Variants in NALF1 observed in about 807,000 individuals in gnomAD.
The protein encoded by NALF1 is family with sequence similarity 155 member A.
A neutral mutation model predicts 48.4 loss-of-function variants in NALF1; 3 were observed. The ratio of observed to expected loss-of-function variants is 0.06; its 90% CI spans 0.03 to 0.16. NALF1 has a LOEUF of 0.16. Ranked by LOEUF, NALF1 falls within the 10% of genes least tolerant of loss-of-function variation. NALF1 has a pLI of 1.00. For synonymous variants in NALF1, 262 were observed against 245.7 expected, an observed-to-expected ratio of 1.07 and a Z score of -0.62; for missense variants, 526 against 571.5, an observed-to-expected ratio of 0.92 and a Z score of 0.81.
At chr13:107,784,611 A>C (rs1360245727) in intron 1 of NALF1, among the ~76,000 whole-genome samples, 3 of 152,220 alleles carry the variant, frequency 2.0e-5, no homozygotes, top group African/African-American at 4.8e-5. Flanking sequence ...CGATTCTCAA[A>C]AGAAGATACA....
intron 1 of NALF1, among the ~76,000 whole-genome samples, chr13:107,721,490 A>G (rs770220120): frequency 2.6e-5 from 4 of 152,146 alleles, no homozygotes; most frequent in African/African-American, 7.2e-5. Context: ...TTCAAGTTCT[A>G]TATGTTTCTG....
intron 1 of NALF1, among the ~76,000 whole-genome samples, chr13:107,706,953 C>G (rs558521244): frequency 5.6e-4 from 59 of 105,708 alleles, no homozygotes; most frequent in African/African-American, 2.2e-3. Flanking sequence ...GACGGAGTCT[C>G]GCTCTGTCGC....
chr13:107,269,452 T>C (rs1817222222), intron 1 of NALF1, among the ~76,000 whole-genome samples: 1 of 152,148 alleles, frequency 6.6e-6, no homozygotes, highest in Non-Finnish European at 1.5e-5. Context: ...TCAGATAGTA[T>C]GATTGATTGT....
At chr13:107,640,451 G>A (rs1880120826) in intron 1 of NALF1, among the ~76,000 whole-genome samples, 1 of 152,086 alleles carries the variant, frequency 6.6e-6, no homozygotes, top group Non-Finnish European at 1.5e-5. Flanking sequence ...ACATTTTTAA[G>A]ATACAGTAAA....
intron 1 of NALF1, among the ~76,000 whole-genome samples, chr13:107,447,652 G>A (rs978106707): frequency 6.6e-6 from 1 of 152,110 alleles, no homozygotes; most frequent in Non-Finnish European, 1.5e-5. Flanking sequence ...GGCACAGAAA[G>A]TAGAAGGAAG....
At chr13:107,452,094 C>T (rs1884750814) in intron 1 of NALF1, among the ~76,000 whole-genome samples, 2 of 87,296 alleles carry the variant, frequency 2.3e-5, no homozygotes, top group Admixed American at 1.1e-4. Flanking sequence ...AGGCTTCTTC[C>T]TCCTCTGCTC....
intron 1 of NALF1, among the ~76,000 whole-genome samples, chr13:107,326,697 T>C (rs1882371820): frequency 6.6e-6 from 1 of 152,216 alleles, no homozygotes; most frequent in African/African-American, 2.4e-5. Context: ...ATACTTTAAG[T>C]GGGCTTTAGA....
intron 1 of NALF1, among the ~76,000 whole-genome samples, chr13:107,505,057 G>T (rs1875650255): frequency 6.6e-6 from 1 of 151,866 alleles, no homozygotes; most frequent in Non-Finnish European, 1.5e-5. Context: ...AAGCAGTAAA[G>T]GCTATGGAGA....
intron 1 of NALF1, among the ~76,000 whole-genome samples, chr13:107,519,459 T>G (rs950766415): frequency 4.0e-5 from 6 of 150,442 alleles, no homozygotes; most frequent in African/African-American, 1.5e-4. Flanking sequence ...AAACCTACTG[T>G]TTTAAGAATG....
chr13:107,844,240 G>GATA lies in NALF1; in HGVS notation c.915+21439_915+21441dup, dbSNP rs374589908. On this transcript the variant is annotated intron_variant, in intron 1 of 2. Coordinates refer to ENST00000375915, the MANE Select transcript of NALF1 (RefSeq NM_001080396.3). ...TGTTTGTAGCCACAAATAAAATACA[G>GATA]ATAAGAAAATCTAAAAAAATCAAAC... Among the ~76,000 whole-genome samples the GATA allele has an allele frequency of 8.4e-3, 538 of 63,962 alleles. 2 individuals are homozygous for GATA. Among genetic ancestry groups the GATA allele is most frequent in the African/African-American group, 0.029 (510 of 17,750 alleles). 42.0% of individuals were successfully genotyped at this position (63,962 alleles called of 152,430 possible).
intron 1 of NALF1, among the ~76,000 whole-genome samples, chr13:107,345,084 TAC>T (rs748499216): frequency 7.3e-5 from 11 of 150,012 alleles, no homozygotes; most frequent in South Asian, 2.1e-4. Flanking sequence ...TAATAGCAGC[TAC>T]ACACACACAC....
intron 1 of NALF1, among the ~76,000 whole-genome samples, chr13:107,384,563 C>A (rs763639376): frequency 6.6e-6 from 1 of 151,932 alleles, no homozygotes. Flanking sequence ...AAAATAAAAT[C>A]ATATTTCTTA....
intron 1 of NALF1, among the ~76,000 whole-genome samples, chr13:107,426,441 T>C (rs1884282691): frequency 6.6e-6 from 1 of 152,182 alleles, no homozygotes; most frequent in Admixed American, 6.5e-5. Context: ...GGACAAATAT[T>C]TGAACCTTCA....
intron 1 of NALF1, among the ~76,000 whole-genome samples, chr13:107,437,815 A>C (rs1884487196): frequency 6.6e-6 from 1 of 152,210 alleles, no homozygotes; most frequent in Non-Finnish European, 1.5e-5. Context: ...GTATTAACTT[A>C]AGATTTGTGC....
intron 1 of NALF1, among the ~76,000 whole-genome samples, chr13:107,293,392 A>AT (rs1046414224): frequency 1.3e-5 from 2 of 152,050 alleles, no homozygotes; most frequent in African/African-American, 4.8e-5. Flanking sequence ...TCATTTTGGT[A>AT]TTTTTTAGAC....
chr13:107,680,947 C>CTG (rs199937780), intron 1 of NALF1, among the ~76,000 whole-genome samples: 3,685 of 64,884 alleles, frequency 0.057, 151 homozygotes, highest in African/African-American at 0.15. Context: ...ATGAGTGTAA[C>CTG]AGTGTGTGTG....
intron 1 of NALF1, among the ~76,000 whole-genome samples, chr13:107,581,848 A>G (rs1878321373): frequency 6.6e-6 from 1 of 152,156 alleles, no homozygotes; most frequent in Non-Finnish European, 1.5e-5. Context: ...ATAGTCTCCC[A>G]TTTTTGGTGA....
chr13:107,680,714 G>A lies in NALF1; in HGVS notation c.915+184968C>T, dbSNP rs539569927. Among the ~76,000 whole-genome samples the A allele has an allele frequency of 2.0e-3, 302 of 148,080 alleles. 5 individuals carry two copies. Among genetic ancestry groups the A allele is most frequent in the Non-Finnish European group, 3.1e-3 (211 of 67,202 alleles). On this transcript the variant is annotated intron_variant, in intron 1 of 2. Transcript: ENST00000375915. ...TGTGTGTGTCCATGAGAAAGGGTGG[G>A]TGGTGTGAGAGTGTATGAGTGTGAA...
intron 1 of NALF1, among the ~76,000 whole-genome samples, chr13:107,379,656 C>T (rs138740487): frequency 6.6e-6 from 1 of 152,246 alleles, no homozygotes; most frequent in Non-Finnish European, 1.5e-5. Context: ...AGTCCTGCTG[C>T]TCAGCTGTAA....
Sources: gnomAD v4.1 joint callset for allele counts (sites outside exome capture counted in the v4.1 genomes callset) on GRCh38, gnomAD v4.1.1 for gene constraint, MANE v1.5 for transcripts, NCBI Gene and HGNC (gene_info 2026-07-23, HGNC 2026-07-21) for gene names.